The following EPHB3 variants were observed in gnomAD, a reference collection of about 807,000 sequenced individuals.
The protein encoded by EPHB3 is EPH receptor B3.
EPHB3 carries 33 observed loss-of-function variants against 100.2 expected under a neutral mutation model. That is an observed-to-expected ratio of 0.33 (90% CI 0.25 to 0.44). The LOEUF (loss-of-function observed/expected upper bound fraction) is 0.44. Ranked by LOEUF, EPHB3 falls within the 20% of genes least tolerant of loss-of-function variation. The pLI is 1.00. For missense variants in EPHB3, 1,045 were observed against 1,378.3 expected (o/e 0.76, Z 3.83); for synonymous variants, 526 against 554.7 (o/e 0.95, Z 0.73).
Position 184,572,683 on chromosome 3 carries a change from C to T in EPHB3, c.363C>T (p.Asn121=). The T allele has an allele frequency of 6.2e-7, 1 of 1,603,810 alleles. No individual in the cohort carries two copies. Among genetic ancestry groups the T allele is most frequent in the Non-Finnish European group, 8.5e-7 (1 of 1,175,606 alleles). Residue 121 remains asparagine, a synonymous_variant, in exon 3 of 16, where the codon AAC becomes AAT. Transcript: ENST00000330394. This position sits in a 1 kb window ranked among gnomAD's most constrained non-coding sequence, Gnocchi z 6.6. ...FTVRDCNSIP[N]IPGSCKETFN... ...TGCGTGACTGCAACAGCATCCCCAA[C>T]ATCCCCGGCTCCTGCAAGGAGACCT... is the stretch of plus-strand genomic sequence containing the variant.
Position 184,576,913 on chromosome 3 carries a change from C to A in EPHB3, c.1084C>A (p.Pro362Thr). The change falls in exon 5 of 16, where the codon CCC (proline) becomes ACC (threonine). Residue 362 changes from proline (P) to threonine (T), a missense_variant. By Grantham distance (38) the Pro-to-Thr change is conservative (BLOSUM62 -1). Coordinates refer to ENST00000330394, the MANE Select transcript of EPHB3 (RefSeq NM_004443.4). ...ETSLILEWSE[P>T]RDLGGRDDLL... is the part of the protein sequence containing the mutation. ...CTCACTGATCCTCGAGTGGAGTGAGCCCCGGGACCTGGGTGGCCGGGATGA... is the reference window on the plus strand; with the variant it reads ...CTCACTGATCCTCGAGTGGAGTGAGACCCGGGACCTGGGTGGCCGGGATGA... The A allele has an allele frequency of 1.3e-6, 2 of 1,593,414 alleles. No homozygotes were observed. The highest frequency in any genetic ancestry group is 1.1e-5 in the South Asian group (1 of 88,140).
Position 184,573,307 on chromosome 3 carries a change from G to A in EPHB3, c.856+131G>A, listed in dbSNP as rs866265661. ...GAGCAGGTCCACAGTGGAGGCAGGA[G>A]AGGGAAGAGTGGGGATCAGATGCAG... On this transcript the variant is annotated intron_variant, in intron 3 of 15. Coordinates refer to ENST00000330394, the MANE Select transcript of EPHB3 (RefSeq NM_004443.4). The surrounding 1 kb of genome is among the most constrained non-coding windows in gnomAD (Gnocchi z 4.5). 8.1e-5 allele frequency: 94 copies of A among 1,154,480 alleles called. No individual in the cohort carries two copies. The African/African-American group carries it at 1.2e-3, about 15-fold the overall frequency. 71.5% of individuals were successfully genotyped at this position (1,154,480 alleles called of 1,614,324 possible).
In EPHB3 at chr3:184,582,247, TGTGTGA is replaced by T. The variant is rs1560066538; in HGVS notation, c.*631_*636del. Reference sequence around the variant, plus strand: ...CTGACTCTCAGAGCCAGAGATGGGATGTGTGAGTGTGTGTGTGTGTGTGTGTGTGTG... The same window carrying T: ...CTGACTCTCAGAGCCAGAGATGGGATGTGTGTGTGTGTGTGTGTGTGTGTG... On this transcript the variant is annotated 3_prime_UTR_variant, in exon 16 of 16. Transcript: ENST00000330394. 2.2e-5 allele frequency: 1 copy of T among 45,374 alleles called. No individual in the cohort carries two copies. The highest frequency in any genetic ancestry group is 6.3e-4 in the South Asian group (1 of 1,598). The allele number at this position is 45,374 out of a possible 1,614,324, so 2.8% of individuals were successfully genotyped here. A position where few individuals can be genotyped will look rare whatever the true frequency, so the allele number is the denominator to read the frequency against.
At position 184,571,429 on chromosome 3, in the gene EPHB3, T is replaced by C. The variant is rs764381198; in HGVS notation, c.183+47T>C. On this transcript the variant is annotated intron_variant, in intron 2 of 15. Transcript: ENST00000330394. The surrounding 1 kb of genome is among the most constrained non-coding windows in gnomAD (Gnocchi z 5.0). ...CCTGAGTGTTGTTTGCCATTAGGCC[T>C]CCCCCCACTTCCAGCCTCCGTGCCC... The C allele has an allele frequency of 4.4e-6, 7 of 1,601,020 alleles. No individual in the cohort carries two copies. Among genetic ancestry groups the C allele is most frequent in the South Asian group, 1.1e-5 (1 of 90,478 alleles).
In EPHB3 at chr3:184,577,200, G is replaced by T; in HGVS notation, c.1354+17G>T. 6.3e-7 allele frequency: 1 copy of T among 1,582,376 alleles called. No homozygotes were observed. Reference sequence around the variant, plus strand: ...ACCAGGCTGGTGAGGAGGGGACACTGGAGGGTAGGGCCTGGGTCACTTTCT... The same window carrying T: ...ACCAGGCTGGTGAGGAGGGGACACTTGAGGGTAGGGCCTGGGTCACTTTCT... On this transcript the variant is annotated intron_variant, in intron 5 of 15. Coordinates refer to ENST00000330394, the MANE Select transcript of EPHB3 (RefSeq NM_004443.4). The surrounding 1 kb of genome is among the most constrained non-coding windows in gnomAD (Gnocchi z 4.9).
chr3:184,581,663 C>A lies in EPHB3; in HGVS notation c.*41C>A. 2 of 1,514,182 alleles carry A rather than the reference C, an allele frequency of 1.3e-6. No individual in the cohort carries two copies. Among genetic ancestry groups the A allele is most frequent in the Non-Finnish European group, 8.9e-7 (1 of 1,129,236 alleles). The allele number at this position is 1,514,182 out of a possible 1,614,324, so 93.8% of individuals were successfully genotyped here. On this transcript the variant is annotated 3_prime_UTR_variant, in exon 16 of 16. Coordinates refer to ENST00000330394, the MANE Select transcript of EPHB3 (RefSeq NM_004443.4). ...GGACCCTGAGGACCGTGCAGGGATG[C>A]CAAGCAGCCGGCTGGACTTTCGGAC...
rs1206490253 is a variant in EPHB3 at position 184,582,114 on chromosome 3, AG to A, written c.*495del. On this transcript the variant is annotated 3_prime_UTR_variant, in exon 16 of 16. Transcript: ENST00000330394. ...GCCAGCTTGCACCTCCAGTTTGCAC[AG>A]GGATTTGTTCTGGGGGCTGAGGGCC... is the stretch of plus-strand genomic sequence containing the variant. 2.6e-5 allele frequency: 4 copies of A among 156,194 alleles called. No homozygotes were observed. The highest frequency in any genetic ancestry group is 5.7e-5 in the Non-Finnish European group (4 of 70,366). The allele number at this position is 156,194 out of a possible 1,614,324, so 9.7% of individuals were successfully genotyped here. A position where few individuals can be genotyped will look rare whatever the true frequency, so the allele number is the denominator to read the frequency against.
chr3:184,575,915 C>T lies in EPHB3; in HGVS notation c.942C>T (p.Ala314=), dbSNP rs55730463. The change falls in exon 4 of 16, where the codon GCC becomes GCT. Residue 314 remains alanine, a synonymous_variant. Transcript: ENST00000330394. ...CPPNSRTTSP[A]ASICTCHNNF... The stretch of plus-strand genomic sequence containing the variant: ...CCAACAGCCGTACCACCTCCCCAGC[C>T]GCCAGCATCTGCACCTGCCACAATA... The T allele has an allele frequency of 6.8e-5, 109 of 1,613,724 alleles. No individual in the cohort carries two copies. The highest frequency in any genetic ancestry group is 1.2e-4 in the Admixed American group (7 of 59,998).
rs751793907 is a variant in EPHB3, at chr3:184,569,549, G to GTGTCTGTC, written c.119-1750_119-1743dup. Among the ~76,000 whole-genome samples the GTGTCTGTC allele has an allele frequency of 5.9e-5, 9 of 152,050 alleles. No homozygotes were observed. Among genetic ancestry groups the GTGTCTGTC allele is most frequent in the African/African-American group, 9.7e-5 (4 of 41,358 alleles). ...CGAGTACCCCCCAGGCCGAATGTCT[G>GTGTCTGTC]TGTCTGTCTGTCTGTCTGTCTGTCT... is the stretch of plus-strand genomic sequence containing the variant. On this transcript the variant is annotated intron_variant, in intron 1 of 15. Transcript: ENST00000330394. The surrounding 1 kb of genome is among the most constrained non-coding windows in gnomAD (Gnocchi z 5.4).
Position 184,565,470 on chromosome 3 carries a change from C to G in EPHB3, c.118+3117C>G, listed in dbSNP as rs558934363. On this transcript the variant is annotated intron_variant, in intron 1 of 15. Transcript: ENST00000330394. This position sits in a 1 kb window ranked among gnomAD's most constrained non-coding sequence, Gnocchi z 4.8. ...GAGAGATCCCCGCTGGGAAGATATC[C>G]TTTTGAGAAAAGAGAAACAGTTACC... Among the ~76,000 whole-genome samples, 3 of 152,278 alleles carry G rather than the reference C, an allele frequency of 2.0e-5. No individual in the cohort carries two copies. In the South Asian group the frequency reaches 6.2e-4, roughly 32 times the overall value.
chr3:184,573,780 C>T lies in EPHB3; in HGVS notation c.856+604C>T, dbSNP rs955480285. Among the ~76,000 whole-genome samples, 4 of 149,882 alleles carry T rather than the reference C, an allele frequency of 2.7e-5. No homozygotes were observed. The East Asian group carries it at 5.9e-4, about 22-fold the overall frequency. The stretch of plus-strand genomic sequence containing the variant: ...TTGCCTAGGCTGGAGTGCAATGGCG[C>T]GATCTTGGCTTGCTGCAACCTCCAC... On this transcript the variant is annotated intron_variant, in intron 3 of 15. Coordinates refer to ENST00000330394, the MANE Select transcript of EPHB3 (RefSeq NM_004443.4). The surrounding 1 kb of genome is among the most constrained non-coding windows in gnomAD (Gnocchi z 4.5).
chr3:184,578,051 C>A lies in EPHB3; in HGVS notation c.1748+45C>A. ...TGCTCCATGGGCCGCCTCGAACTGC[C>A]CTTTAGCATCCTAGAGCCCTCATGC... is the stretch of plus-strand genomic sequence containing the variant. On this transcript the variant is annotated intron_variant, in intron 8 of 15. Transcript: ENST00000330394. This position sits in a 1 kb window ranked among gnomAD's most constrained non-coding sequence, Gnocchi z 4.7. The A allele has an allele frequency of 6.3e-7, 1 of 1,595,464 alleles. No homozygotes were observed. Among genetic ancestry groups the A allele is most frequent in the Non-Finnish European group, 8.6e-7 (1 of 1,166,430 alleles).
intron 1 of EPHB3, among the ~76,000 whole-genome samples, chr3:184,567,729 A>T (rs1189449513): frequency 6.6e-6 from 1 of 152,148 alleles, no homozygotes; most frequent in Non-Finnish European, 1.5e-5. Context: ...TACACCGAAG[A>T]CTGTGTGACT....
Position 184,578,076 on chromosome 3 carries a change from C to A in EPHB3, c.1748+70C>A. On this transcript the variant is annotated intron_variant, in intron 8 of 15. Coordinates refer to ENST00000330394, the MANE Select transcript of EPHB3 (RefSeq NM_004443.4). The surrounding 1 kb of genome is among the most constrained non-coding windows in gnomAD (Gnocchi z 4.7). ...CCTTTAGCATCCTAGAGCCCTCATG[C>A]CACAGAGATGAGCCGCCACCACTTC... is the stretch of plus-strand genomic sequence containing the variant. 6.6e-7 allele frequency: 1 copy of A among 1,524,974 alleles called. No individual in the cohort carries two copies. The highest frequency in any genetic ancestry group is 9.0e-7 in the Non-Finnish European group (1 of 1,116,664). The allele number at this position is 1,524,974 out of a possible 1,614,324, so 94.5% of individuals were successfully genotyped here. A position where few individuals can be genotyped will look rare whatever the true frequency, so the allele number is the denominator to read the frequency against.
Position 184,572,962 on chromosome 3 carries a change from C to T in EPHB3, c.642C>T (p.Ser214=), listed in dbSNP as rs1325606150. 6.3e-7 allele frequency: 1 copy of T among 1,590,680 alleles called. No individual in the cohort carries two copies. The highest frequency in any genetic ancestry group is 8.6e-7 in the Non-Finnish European group (1 of 1,167,114). ...GCGCCTTCTACAAGAAGTGTGCATC[C>T]ACCACCGCAGGCTTCGCACTCTTCC... ...SVRAFYKKCA[S]TTAGFALFPE... The change falls in exon 3 of 16, where the codon TCC becomes TCT. Residue 214 remains serine, a synonymous_variant. Coordinates refer to ENST00000330394, the MANE Select transcript of EPHB3 (RefSeq NM_004443.4). This position sits in a 1 kb window ranked among gnomAD's most constrained non-coding sequence, Gnocchi z 6.6.
rs1714797886 is a variant in EPHB3, at chr3:184,580,725, C to T, written c.2389-4C>T. ...GGGTGAAGGGCCTGTGCCCCCCTCA[C>T]CAGGGCGGGAAGATCCCCATCCGCT... On this transcript the variant is annotated splice_region_variant and splice_polypyrimidine_tract_variant and intron_variant, in intron 12 of 15. Coordinates refer to ENST00000330394, the MANE Select transcript of EPHB3 (RefSeq NM_004443.4). The T allele has an allele frequency of 1.2e-6, 2 of 1,613,510 alleles. No homozygotes were observed. The highest frequency in any genetic ancestry group is 1.7e-6 in the Non-Finnish European group (2 of 1,179,746).
intron 1 of EPHB3, among the ~76,000 whole-genome samples, chr3:184,568,592 A>ACCCCCCCCCCC (rs113185340): frequency 6.1e-5 from 8 of 131,066 alleles, no homozygotes; most frequent in African/African-American, 1.2e-4. Context: ...GGGTTCTATG[A>ACCCCCCCCCCC]CCCCCCCCCC....
rs753227216 is a variant in EPHB3, at chr3:184,581,517, C to T, written c.2892C>T (p.Asp964=). 5.6e-6 allele frequency: 9 copies of T among 1,613,018 alleles called. No individual in the cohort carries two copies. The Admixed American group carries it at 1.2e-4, about 21-fold the overall frequency. The change falls in exon 16 of 16, where the codon GAC becomes GAT. Residue 964 remains aspartate, a synonymous_variant. Coordinates refer to ENST00000330394, the MANE Select transcript of EPHB3 (RefSeq NM_004443.4). ...FDLVAQMTAE[D]LLRIGVTLAG... Reference sequence around the variant, plus strand: ...CCTAATTTGGCTCCACCTGCAGAGACCTGCTCCGTATTGGGGTCACCCTGG... The same window carrying T: ...CCTAATTTGGCTCCACCTGCAGAGATCTGCTCCGTATTGGGGTCACCCTGG...
At position 184,577,062 on chromosome 3, in the gene EPHB3, C is replaced by T. The variant is rs1178363212; in HGVS notation, c.1233C>T (p.His411=). Residue 411 remains histidine (H), a synonymous_variant, in exon 5 of 16, where the codon CAC becomes CAT. Coordinates refer to ENST00000330394, the MANE Select transcript of EPHB3 (RefSeq NM_004443.4). This position sits in a 1 kb window ranked among gnomAD's most constrained non-coding sequence, Gnocchi z 4.9. ...RQLGLTERRV[H]ISHLLAHTRY... ...TGGGCCTGACGGAGCGCCGGGTCCA[C>T]ATCAGCCATCTGCTGGCCCACACGC... The T allele has an allele frequency of 1.2e-6, 2 of 1,613,662 alleles. No individual in the cohort carries two copies. The highest frequency in any genetic ancestry group is 1.7e-6 in the Non-Finnish European group (2 of 1,179,966).
Sources: allele counts gnomAD v4.1 joint callset (sites outside exome capture counted in the v4.1 genomes callset), GRCh38; gene constraint gnomAD v4.1.1; non-coding constraint Gnocchi (gnomAD v3.1); transcripts MANE v1.5; gene names NCBI Gene and HGNC (gene_info 2026-07-23, HGNC 2026-07-21).